The following SGMS1 variants were observed in gnomAD, a reference collection of about 807,000 sequenced individuals.
The protein encoded by SGMS1 is sphingomyelin synthase 1, also known as phosphatidylcholine:ceramide cholinephosphotransferase 1.
Under a neutral mutation model 46.2 loss-of-function variants are expected in SGMS1, and 13 were observed. The ratio of observed to expected loss-of-function variants is 0.28; its 90% CI spans 0.18 to 0.45. The LOEUF (loss-of-function observed/expected upper bound fraction) is 0.45. Ranked by LOEUF, SGMS1 falls within the 20% of genes least tolerant of loss-of-function variation. The pLI is 1.00. For missense variants in SGMS1, 324 were observed against 519.9 expected (o/e 0.62, Z 3.66); for synonymous variants, 203 against 187.8 (o/e 1.08, Z -0.66).
Position 50,407,718 on chromosome 10 carries a change from G to GTCTTTACTTGAAAGCCATCATGTCTT in SGMS1, c.-232+25757_-232+25758insAAGACATGATGGCTTTCAAGTAAAGA, listed in dbSNP as rs752030348. Among the ~76,000 whole-genome samples the GTCTTTACTTGAAAGCCATCATGTCTT allele has an allele frequency of 4.5e-3, 690 of 152,182 alleles. 4 individuals are homozygous for GTCTTTACTTGAAAGCCATCATGTCTT. The highest frequency in any genetic ancestry group is 7.3e-3 in the Non-Finnish European group (495 of 68,026). On this transcript the variant is annotated intron_variant, in intron 6 of 10. Coordinates refer to ENST00000361781, the MANE Select transcript of SGMS1 (RefSeq NM_147156.4). Reference sequence around the variant, plus strand: ...CCTATACACATGCTAAAGATTCACTGTGTCTACTCTTGAAAGCCATCATGT... The same window carrying GTCTTTACTTGAAAGCCATCATGTCTT: ...CCTATACACATGCTAAAGATTCACTGTCTTTACTTGAAAGCCATCATGTCTTTGTCTACTCTTGAAAGCCATCATGT...
chr10:50,372,518 C>T (rs7475420), intron 6 of SGMS1, among the ~76,000 whole-genome samples: 33,569 of 151,928 alleles, frequency 0.22, 3,712 homozygotes, highest in Admixed American at 0.25. Context: ...CATGGTGAAA[C>T]GCCATCTCTA....
chr10:50,453,009 T>C (rs964696335), intron 5 of SGMS1, among the ~76,000 whole-genome samples: 3 of 152,098 alleles, frequency 2.0e-5, no homozygotes, highest in Admixed American at 2.0e-4. Context: ...ATAAATACTC[T>C]CTGGAAAAAT....
intron 3 of SGMS1, among the ~76,000 whole-genome samples, chr10:50,478,587 T>G (rs1261020006): frequency 6.6e-6 from 1 of 152,174 alleles, no homozygotes; most frequent in Non-Finnish European, 1.5e-5. Flanking sequence ...TTTGTAAATG[T>G]TATAAGAAAA....
intron 2 of SGMS1, among the ~76,000 whole-genome samples, chr10:50,570,584 C>T (rs1838328296): frequency 6.6e-6 from 1 of 152,038 alleles, no homozygotes; most frequent in East Asian, 1.9e-4. Flanking sequence ...ACTCATGGTG[C>T]CCTATTAAGG....
At chr10:50,524,065 C>T (rs927192178) in intron 2 of SGMS1, among the ~76,000 whole-genome samples, 7 of 152,308 alleles carry the variant, frequency 4.6e-5, no homozygotes, top group Admixed American at 2.6e-4. Flanking sequence ...CAAGTTATAC[C>T]TTTCTTTGGT....
At chr10:50,466,476 G>A (rs2133694698) in intron 4 of SGMS1, among the ~76,000 whole-genome samples, 1 of 152,166 alleles carries the variant, frequency 6.6e-6, no homozygotes, top group East Asian at 1.9e-4. Flanking sequence ...TGTGGCTTGG[G>A]ATAAAATTTC....
intron 1 of SGMS1, among the ~76,000 whole-genome samples, chr10:50,622,065 C>T (rs1838856698): frequency 1.3e-5 from 2 of 152,230 alleles, no homozygotes; most frequent in Admixed American, 6.5e-5. Context: ...AAAGCTGGCG[C>T]CTCCGACAGC....
chr10:50,616,355 C>T (rs1838797368), intron 1 of SGMS1, among the ~76,000 whole-genome samples: 1 of 152,104 alleles, frequency 6.6e-6, no homozygotes, highest in Non-Finnish European at 1.5e-5. Context: ...AGACTGGCCT[C>T]AAACTTCTGG....
At chr10:50,469,501 G>T (rs1837360085) in intron 3 of SGMS1, among the ~76,000 whole-genome samples, 1 of 152,032 alleles carries the variant, frequency 6.6e-6, no homozygotes, top group Admixed American at 6.5e-5. Flanking sequence ...GTTCTTTCTG[G>T]GACTCTATGA....
At chr10:50,400,048 T>A (rs2133535142) in intron 6 of SGMS1, among the ~76,000 whole-genome samples, 1 of 150,836 alleles carries the variant, frequency 6.6e-6, no homozygotes, top group Non-Finnish European at 1.5e-5. Flanking sequence ...AAAAAAGAGT[T>A]CAAGGAAGGA....
At chr10:50,446,320 T>A (rs1837013415) in intron 5 of SGMS1, among the ~76,000 whole-genome samples, 1 of 152,128 alleles carries the variant, frequency 6.6e-6, no homozygotes, top group Non-Finnish European at 1.5e-5. Context: ...TCACAGAACC[T>A]GCCAACATGT....
At chr10:50,605,702 G>T (rs1178579793) in intron 1 of SGMS1, among the ~76,000 whole-genome samples, 1 of 152,154 alleles carries the variant, frequency 6.6e-6, no homozygotes, top group Non-Finnish European at 1.5e-5. Context: ...CAGTGATAAG[G>T]CACCCTCTAA....
intron 6 of SGMS1, among the ~76,000 whole-genome samples, chr10:50,402,861 G>A (rs1037242369): frequency 1.3e-5 from 2 of 151,996 alleles, no homozygotes; most frequent in Non-Finnish European, 2.9e-5. Flanking sequence ...GTACCCCATA[G>A]GTAGTTTTTT....
rs1264704872 is a variant in SGMS1 at position 50,344,411 on chromosome 10, C to T, written c.-231-66G>A. On this transcript the variant is annotated intron_variant, in intron 6 of 10. Transcript: ENST00000361781. ...AATTACCCCTCTCAAAACGCAAAGCCTTATATACATAAGGAAAGTAGAAAA... is the reference window on the plus strand; with the variant it reads ...AATTACCCCTCTCAAAACGCAAAGCTTTATATACATAAGGAAAGTAGAAAA... The T allele has an allele frequency of 2.1e-4, 67 of 314,394 alleles. 1 individual carries two copies. The South Asian group carries it at 6.3e-3, about 30-fold the overall frequency. The allele number at this position is 314,394 out of a possible 1,614,324, so 19.5% of individuals were successfully genotyped here.
chr10:50,578,943 T>C (rs1838408936), intron 2 of SGMS1, among the ~76,000 whole-genome samples: 1 of 152,150 alleles, frequency 6.6e-6, no homozygotes, highest in Admixed American at 6.5e-5. Context: ...TAAAGCCCCA[T>C]TCTTAATCAT....
chr10:50,563,263 A>G (rs1172092210), intron 2 of SGMS1, among the ~76,000 whole-genome samples: 2 of 152,210 alleles, frequency 1.3e-5, no homozygotes, highest in Non-Finnish European at 2.9e-5. Context: ...ACGACCTACC[A>G]TACTCCAAGA....
At chr10:50,604,168 G>C (rs1395766055) in intron 1 of SGMS1, among the ~76,000 whole-genome samples, 1 of 152,074 alleles carries the variant, frequency 6.6e-6, no homozygotes, top group East Asian at 1.9e-4. Flanking sequence ...CAGACAGTAA[G>C]GAAACTGCTG....
intron 6 of SGMS1, among the ~76,000 whole-genome samples, chr10:50,413,059 A>G (rs1564906528): frequency 2.0e-5 from 3 of 152,242 alleles, no homozygotes; most frequent in South Asian, 4.1e-4. Flanking sequence ...CTTACATTTT[A>G]AAAAGCATCA....
intron 8 of SGMS1, among the ~76,000 whole-genome samples, chr10:50,314,997 G>A (rs1292861869): frequency 6.6e-6 from 1 of 152,110 alleles, no homozygotes; most frequent in Non-Finnish European, 1.5e-5. Context: ...GTCTTTCTAG[G>A]GACAGTATTG....
Sources: gnomAD v4.1 joint callset for allele counts (sites outside exome capture counted in the v4.1 genomes callset) on GRCh38, gnomAD v4.1.1 for gene constraint, MANE v1.5 for transcripts, NCBI Gene and HGNC (gene_info 2026-07-23, HGNC 2026-07-21) for gene names.